The following KCNH8 variants were observed in gnomAD, a reference collection of about 807,000 sequenced individuals.
The protein encoded by KCNH8 is potassium voltage-gated channel subfamily H member 8.
A neutral mutation model predicts 103.6 loss-of-function variants in KCNH8; 70 were observed. That is an observed-to-expected ratio of 0.68 (90% CI 0.56 to 0.82). The LOEUF (loss-of-function observed/expected upper bound fraction) is 0.82. Ranked by LOEUF, KCNH8 falls within the 40% of genes least tolerant of loss-of-function variation. KCNH8 has a pLI of 0.00. For missense variants in KCNH8, 1,217 were observed against 1,329.9 expected (o/e 0.92, Z 1.32); for synonymous variants, 498 against 489.4 (o/e 1.02, Z -0.23).
intron 11 of KCNH8, among the ~76,000 whole-genome samples, chr3:19,509,084 T>A (rs984017805): frequency 6.6e-6 from 1 of 152,254 alleles, no homozygotes; most frequent in African/African-American, 2.4e-5. Flanking sequence ...TTCACATTTT[T>A]AATTATTCAG....
rs373240665 is a variant in KCNH8, at chr3:19,513,196, T to C, written c.2306T>C (p.Val769Ala). 9 of 1,613,646 alleles carry C rather than the reference T, an allele frequency of 5.6e-6. No individual in the cohort carries two copies. Among genetic ancestry groups the C allele is most frequent in the African/African-American group, 1.3e-5 (1 of 74,812 alleles). ...GTVPFHSPIR[V>A]SRSNSPKTKQ... ...GTGCCCTTTCACTCGCCTATCAGAG[T>C]CTCCAGGTCAAATTCCCCCAAAACC... Residue 769 changes from valine (V) to alanine (A), a missense_variant, in exon 13 of 16, where the codon GTC (valine) becomes GCC (alanine). By Grantham distance (64) the Val-to-Ala change is moderately conservative. This residue lies in a region of KCNH8 where 558 missense variants were observed against 495.8 expected (regional missense o/e 1.13). Coordinates refer to ENST00000328405, the MANE Select transcript of KCNH8 (RefSeq NM_144633.3).
chr3:19,498,795 T>G (rs1172818171), intron 11 of KCNH8, among the ~76,000 whole-genome samples: 1 of 152,162 alleles, frequency 6.6e-6, no homozygotes, highest in Non-Finnish European at 1.5e-5. Context: ...GTTTTCCTTC[T>G]AACAGACAGG....
chr3:19,451,216 T>A lies in KCNH8; in HGVS notation c.1637T>A (p.Ile546Asn). 1 of 1,613,804 alleles carries A rather than the reference T, an allele frequency of 6.2e-7. No homozygotes were observed. Among genetic ancestry groups the A allele is most frequent in the Non-Finnish European group, 8.5e-7 (1 of 1,179,736 alleles). The part of the protein sequence containing the change: ...SDITMHLNKE[I>N]LQLSLFECAS... Reference sequence around the variant, plus strand: ...ATCACTATGCACTTGAACAAGGAGATCTTACAGTTGTCCCTTTTTGAATGT... The same window carrying A: ...ATCACTATGCACTTGAACAAGGAGAACTTACAGTTGTCCCTTTTTGAATGT... The change falls in exon 10 of 16, where the codon ATC becomes AAC. Residue 546 changes from isoleucine (I) to asparagine (N), a missense_variant. Ile to Asn is a moderately radical substitution (Grantham distance 149). Around this residue, in one of 3 missense-constraint regions of KCNH8, gnomAD observed 415 missense variants for 577.4 expected, o/e 0.72. Coordinates refer to ENST00000328405, the MANE Select transcript of KCNH8 (RefSeq NM_144633.3).
chr3:19,209,415 G>C (rs1467087087), intron 1 of KCNH8, among the ~76,000 whole-genome samples: 2 of 152,060 alleles, frequency 1.3e-5, no homozygotes, highest in East Asian at 3.9e-4. Context: ...TGTTTATCTA[G>C]AAAGTAATGC....
At position 19,355,533 on chromosome 3, in the gene KCNH8, A is replaced by C. The variant is rs946543084; in HGVS notation, c.811+7568A>C. Among the ~76,000 whole-genome samples, 10 of 152,138 alleles carry C rather than the reference A, an allele frequency of 6.6e-5. No homozygotes were observed. In the East Asian group the frequency reaches 1.4e-3, roughly 21 times the overall value. On this transcript the variant is annotated intron_variant, in intron 5 of 15. Coordinates refer to ENST00000328405, the MANE Select transcript of KCNH8 (RefSeq NM_144633.3). ...ATTAAGAAAATGTGGCACATATACA[A>C]CATGGAATAGTATGCAGCCATAAAA...
chr3:19,251,642 C>G (rs1435321455), intron 1 of KCNH8, among the ~76,000 whole-genome samples: 1 of 152,062 alleles, frequency 6.6e-6, no homozygotes, highest in East Asian at 1.9e-4. Flanking sequence ...AGCTGGAGTA[C>G]CTTCTTTCCC....
At chr3:19,239,157 T>C (rs915401105) in intron 1 of KCNH8, among the ~76,000 whole-genome samples, 2 of 151,884 alleles carry the variant, frequency 1.3e-5, no homozygotes, top group African/African-American at 2.4e-5. Context: ...AAATAGGACT[T>C]TTTTTTTCAC....
At chr3:19,189,234 A>C (rs1448285176) in intron 1 of KCNH8, among the ~76,000 whole-genome samples, 1 of 152,060 alleles carries the variant, frequency 6.6e-6, no homozygotes, top group Non-Finnish European at 1.5e-5. Flanking sequence ...ATATTCAATG[A>C]ATATTCAATA....
intron 15 of KCNH8, among the ~76,000 whole-genome samples, chr3:19,526,944 A>G (rs73182860): frequency 0.01 from 1,568 of 152,074 alleles, 22 homozygotes; most frequent in African/African-American, 0.034. Flanking sequence ...GAGCTTGACT[A>G]CTGTAAAGAG....
intron 1 of KCNH8, among the ~76,000 whole-genome samples, chr3:19,172,433 G>C (rs191763685): frequency 4.9e-4 from 74 of 152,212 alleles, no homozygotes; most frequent in African/African-American, 1.6e-3. Context: ...TGATAAGTGT[G>C]AAAGAAGAAT....
intron 3 of KCNH8, among the ~76,000 whole-genome samples, chr3:19,284,772 A>T (rs916446980): frequency 1.7e-4 from 26 of 152,108 alleles, no homozygotes; most frequent in African/African-American, 6.3e-4. Context: ...AAATACTTTG[A>T]TATAAAATTT....
At chr3:19,255,287 G>A (rs781351577) in intron 2 of KCNH8, among the ~76,000 whole-genome samples, 3 of 152,112 alleles carry the variant, frequency 2.0e-5, no homozygotes, top group Admixed American at 6.6e-5. Context: ...TACCTAGTCC[G>A]TGTTATTTTC....
At chr3:19,351,503 C>G (rs978922358) in intron 5 of KCNH8, among the ~76,000 whole-genome samples, 4 of 152,130 alleles carry the variant, frequency 2.6e-5, no homozygotes, top group African/African-American at 4.8e-5. Context: ...GGGTTACCCA[C>G]AAAGGGAAGC....
At chr3:19,476,526 C>T (rs1294101471) in intron 11 of KCNH8, among the ~76,000 whole-genome samples, 6 of 152,074 alleles carry the variant, frequency 3.9e-5, no homozygotes, top group African/African-American at 1.2e-4. Context: ...TAAGTAGGAG[C>T]CATTGTACCC....
At chr3:19,450,935 C>T in intron 9 of KCNH8, 2 of 536,064 alleles carry the variant, frequency 3.7e-6, no homozygotes, top group Non-Finnish European at 3.3e-6. Flanking sequence ...TTAATTTGTT[C>T]TGTTTCTCCA....
intron 3 of KCNH8, among the ~76,000 whole-genome samples, chr3:19,289,527 G>C (rs1165370707): frequency 6.6e-6 from 1 of 152,170 alleles, no homozygotes; most frequent in Non-Finnish European, 1.5e-5. Context: ...TCAAAGATCA[G>C]ATAGTTGTAG....
At chr3:19,480,282 G>C (rs781060387) in intron 11 of KCNH8, among the ~76,000 whole-genome samples, 1 of 152,200 alleles carries the variant, frequency 6.6e-6, no homozygotes, top group African/African-American at 2.4e-5. Flanking sequence ...AAGCTTGAGA[G>C]TAAGCTTCCT....
At chr3:19,507,670 G>A (rs1175065090) in intron 11 of KCNH8, among the ~76,000 whole-genome samples, 1 of 152,168 alleles carries the variant, frequency 6.6e-6, no homozygotes, top group Non-Finnish European at 1.5e-5. Flanking sequence ...CAGGTCACAA[G>A]GGCCTCCCAG....
intron 3 of KCNH8, among the ~76,000 whole-genome samples, chr3:19,291,250 C>A (rs1424184491): frequency 6.6e-6 from 1 of 152,090 alleles, no homozygotes; most frequent in Non-Finnish European, 1.5e-5. Context: ...TCCTTCAGTT[C>A]TACTCTGATC....
Sources: allele counts gnomAD v4.1 joint callset (sites outside exome capture counted in the v4.1 genomes callset), GRCh38; gene constraint gnomAD v4.1.1; regional missense constraint gnomAD v4.1.1; transcripts MANE v1.5; gene names NCBI Gene and HGNC (gene_info 2026-07-23, HGNC 2026-07-21).